The following TMEM165 variants were observed in gnomAD, a reference collection of about 807,000 sequenced individuals.
TMEM165 encodes the protein transmembrane protein 165.
In TMEM165, 19 loss-of-function variants were observed where a neutral mutation model predicts 30.0. The observed-to-expected ratio is 0.63, with a 90% CI of 0.44 to 0.93. The LOEUF (loss-of-function observed/expected upper bound fraction) is 0.93. Among genes scored for constraint, TMEM165 ranks in the 40% least tolerant of loss-of-function variants. The pLI is 0.00. For missense variants in TMEM165, 340 were observed against 417.0 expected (o/e 0.82, Z 1.61); for synonymous variants, 168 against 162.9 (o/e 1.03, Z -0.24).
chr4:55,414,840 G>A (rs1186588354), intron 2 of TMEM165, among the ~76,000 whole-genome samples: 3 of 152,086 alleles, frequency 2.0e-5, no homozygotes, highest in Non-Finnish European at 4.4e-5. Context: ...GTTTCCTGAT[G>A]GTTAGATTGA....
At chr4:55,402,741 C>T (rs575253157) in intron 1 of TMEM165, among the ~76,000 whole-genome samples, 1 of 144,834 alleles carries the variant, frequency 6.9e-6, no homozygotes, top group East Asian at 2.0e-4. Flanking sequence ...GCCACCATGC[C>T]CGGCCTAAGT....
chr4:55,400,227 T>TTA (rs58851706), intron 1 of TMEM165, among the ~76,000 whole-genome samples: 3 of 32,778 alleles, frequency 9.2e-5, no homozygotes, highest in Admixed American at 1.2e-3. Context: ...TATATATTAA[T>TTA]ATATTAATGT....
chr4:55,435,703 C>T (rs968128072), intron 3 of TMEM165: 3 of 1,080,438 alleles, frequency 2.8e-6, no homozygotes, highest in African/African-American at 1.6e-5. Context: ...TAAAATTCTA[C>T]ATAATGCATA....
intron 3 of TMEM165, chr4:55,444,624 A>C: frequency 6.2e-7 from 1 of 1,614,058 alleles, no homozygotes; most frequent in Non-Finnish European, 8.5e-7. Flanking sequence ...ATTCAAATAT[A>C]ACAATTACCT....
At chr4:55,425,298 A>G in intron 5 of TMEM165, 78 bp from the exon 6 acceptor site, 1 of 1,221,926 alleles carries the variant, frequency 8.2e-7, no homozygotes, top group East Asian at 2.3e-5. Context: ...TGGCCGCCTC[A>G]TCGGCTCCCT....
intron 1 of TMEM165, among the ~76,000 whole-genome samples, chr4:55,397,698 C>A (rs1720784194): frequency 6.6e-6 from 1 of 151,368 alleles, no homozygotes; most frequent in African/African-American, 2.4e-5. Context: ...CCATTCCTTT[C>A]ATTTCTCCTT....
Position 55,443,623 on chromosome 4 carries a change from T to G in TMEM165, c.409-8616T>G, listed in dbSNP as rs1723549261. The G allele has an allele frequency of 4.0e-6, 5 of 1,240,620 alleles. No individual in the cohort carries two copies. The South Asian group carries it at 6.0e-5, about 15-fold the overall frequency. 76.9% of individuals were successfully genotyped at this position (1,240,620 alleles called of 1,614,324 possible). On this transcript the variant is annotated intron_variant, in intron 3 of 3. Coordinates refer to the TMEM165 transcript ENST00000608091. ...TTTATCATTAGAGCTTTATTTCTGCTTCAGCAATAGTGTGCCTTCCAACCA... is the reference window on the plus strand; with the variant it reads ...TTTATCATTAGAGCTTTATTTCTGCGTCAGCAATAGTGTGCCTTCCAACCA...
At chr4:55,447,442 A>T (rs887547222) in intron 3 of TMEM165, among the ~76,000 whole-genome samples, 1 of 152,262 alleles carries the variant, frequency 6.6e-6, no homozygotes, top group African/African-American at 2.4e-5. Context: ...CCTTTGGACA[A>T]GCATTATATT....
At chr4:55,416,145 G>C (rs575077203) in intron 2 of TMEM165, 4 of 152,126 alleles carry the variant, frequency 2.6e-5, no homozygotes, top group Non-Finnish European at 5.9e-5. Context: ...ATGAGCCACC[G>C]TGCCTGGCCA....
downstream of TMEM165, chr4:55,428,107 A>G (rs1204744508): frequency 1.3e-5 from 2 of 152,216 alleles, no homozygotes; most frequent in African/African-American, 4.8e-5. Flanking sequence ...AAAAACTGCT[A>G]CTGCTTGGCT....
chr4:55,446,476 A>G (rs546129592), intron 3 of TMEM165, among the ~76,000 whole-genome samples: 89 of 152,292 alleles, frequency 5.8e-4, no homozygotes, highest in African/African-American at 2.1e-3. Context: ...CATGAGTAGA[A>G]TTACCCAAAG....
rs1721749955 is a variant in TMEM165 at position 55,416,844 on chromosome 4, C to T, written c.434-228C>T. 18 of 381,192 alleles carry T rather than the reference C, an allele frequency of 4.7e-5. No individual in the cohort carries two copies. The East Asian group carries it at 8.9e-4, about 19-fold the overall frequency. The allele number at this position is 381,192 out of a possible 1,614,324, so 23.6% of individuals were successfully genotyped here. A position where few individuals can be genotyped will look rare whatever the true frequency, so the allele number is the denominator to read the frequency against. ...TCTCAGGAAGATGTGCCATCTTCAA[C>T]TGGACCATTGGCTTCTGAGTAAGCT... On this transcript the variant is annotated intron_variant, in intron 2 of 5. Coordinates refer to ENST00000381334, the MANE Select transcript of TMEM165 (RefSeq NM_018475.5).
At chr4:55,415,020 G>C (rs1433025492) in intron 2 of TMEM165, among the ~76,000 whole-genome samples, 3 of 152,194 alleles carry the variant, frequency 2.0e-5, no homozygotes, top group Non-Finnish European at 4.4e-5. Flanking sequence ...TATCTAATCT[G>C]TAGGGATATA....
At chr4:55,396,445 G>T in intron 1 of TMEM165, 49 bp downstream of exon 1, 1 of 1,360,888 alleles carries the variant, frequency 7.3e-7, no homozygotes, top group Non-Finnish European at 9.4e-7. Flanking sequence ...CGGCTGCGCC[G>T]AGTACCAGGC....
intron 4 of TMEM165, among the ~76,000 whole-genome samples, chr4:55,421,047 T>TG (rs1721953404): frequency 6.6e-6 from 1 of 150,980 alleles, no homozygotes; most frequent in South Asian, 2.1e-4. Context: ...CCAGGCATGG[T>TG]GGCCCACGCC....
chr4:55,403,240 A>G lies in TMEM165; in HGVS notation c.207+6844A>G, dbSNP rs1459364091. Reference sequence around the variant, plus strand: ...TTTGTTTCTGTTTTTTTGCAGGGACATCAGTTTTTTTCTTGGTAGCAAGCT... The same window carrying G: ...TTTGTTTCTGTTTTTTTGCAGGGACGTCAGTTTTTTTCTTGGTAGCAAGCT... On this transcript the variant is annotated intron_variant, in intron 1 of 5. Transcript: ENST00000381334. 3.1e-6 allele frequency: 4 copies of G among 1,288,152 alleles called. No homozygotes were observed. The East Asian group carries it at 2.2e-4, about 72-fold the overall frequency. 79.8% of individuals were successfully genotyped at this position (1,288,152 alleles called of 1,614,324 possible). A position where few individuals can be genotyped will look rare whatever the true frequency, so the allele number is the denominator to read the frequency against.
At chr4:55,407,961 C>T (rs1184023688) in intron 1 of TMEM165, among the ~76,000 whole-genome samples, 3 of 152,124 alleles carry the variant, frequency 2.0e-5, no homozygotes, top group Admixed American at 6.6e-5. Context: ...CCCAAGGTCA[C>T]GCCGTAACTG....
chr4:55,437,139 ACT>A (rs2109637043), intron 3 of TMEM165, among the ~76,000 whole-genome samples: 1 of 152,142 alleles, frequency 6.6e-6, no homozygotes, highest in South Asian at 2.1e-4. Context: ...AGACTGTATG[ACT>A]CTCAGATATT....
chr4:55,440,807 G>A (rs1409034021), intron 3 of TMEM165, among the ~76,000 whole-genome samples: 1 of 151,980 alleles, frequency 6.6e-6, no homozygotes, highest in Non-Finnish European at 1.5e-5. Context: ...TATACTCTGG[G>A]CTCCCTCTGC....
Sources: allele counts gnomAD v4.1 joint callset (sites outside exome capture counted in the v4.1 genomes callset), GRCh38; gene constraint gnomAD v4.1.1; transcripts MANE v1.5; gene names NCBI Gene and HGNC (gene_info 2026-07-23, HGNC 2026-07-21).